NWD1: variants seen among roughly 807,000 people sequenced by gnomAD.
The protein encoded by NWD1 is NACHT and WD repeat domain containing 1, also known as NACHT domain- and WD repeat-containing protein 1.
NWD1 carries 129 observed loss-of-function variants against 135.1 expected under a neutral mutation model. The ratio of observed to expected loss-of-function variants is 0.96; its 90% CI spans 0.83 to 1.11. The LOEUF (loss-of-function observed/expected upper bound fraction) is 1.11, where lower values mean the gene tolerates loss of function less well. Among genes scored for constraint, NWD1 ranks in the 50% least tolerant of loss-of-function variants. The pLI is 0.00. For synonymous variants in NWD1, 773 were observed against 786.0 expected, an observed-to-expected ratio of 0.98 and a Z score of 0.28; for missense variants, 1,740 against 1,851.3, an observed-to-expected ratio of 0.94 and a Z score of 1.10.
Position 16,744,600 on chromosome 19 carries a change from T to TG in NWD1, c.382dup (p.Glu128GlyfsTer4), listed in dbSNP as rs535227776. ...CCTACGTCCTGCAGGCACCAGGTACTGGGGAGGCCTGTGAACCAGAGGAGG... is the reference window on the plus strand; with the variant it reads ...CCTACGTCCTGCAGGCACCAGGTACTGGGGGAGGCCTGTGAACCAGAGGAGG... On this transcript the variant is annotated frameshift_variant, in exon 5 of 19. Transcript: ENST00000524140. LOFTEE classifies it high-confidence loss of function. 1,284 of 1,535,160 alleles carry TG rather than the reference T, an allele frequency of 8.4e-4. 15 individuals carry two copies. The highest frequency in any genetic ancestry group is 7.4e-3 in the South Asian group (625 of 83,994).
At chr19:16,779,303 A>G in intron 11 of NWD1, 40 bp from the exon 12 acceptor site, 1 of 1,612,612 alleles carries the variant, frequency 6.2e-7, no homozygotes, top group East Asian at 2.2e-5. Context: ...ACTTGGACAC[A>G]GGAACTGAGA....
intron 2 of NWD1, among the ~76,000 whole-genome samples, chr19:16,728,667 G>T (rs541652163): frequency 6.6e-6 from 1 of 151,822 alleles, no homozygotes; most frequent in Non-Finnish European, 1.5e-5. Flanking sequence ...ATTGCAGGCC[G>T]GGTGCAGTGG....
At chr19:16,779,254 G>A (rs1969768877) in intron 11 of NWD1, 89 bp from the exon 12 acceptor site, 4 of 1,468,346 alleles carry the variant, frequency 2.7e-6, no homozygotes, top group Non-Finnish European at 3.8e-6. Context: ...TGTCTTATCT[G>A]TGAAGTGGGG....
chr19:16,741,366 G>GTGT (rs541467752), intron 4 of NWD1, among the ~76,000 whole-genome samples: 6,486 of 135,332 alleles, frequency 0.048, 187 homozygotes, highest in Middle Eastern at 0.098. Context: ...TTTTGTTTTT[G>GTGT]TGTTTTTTTT....
intron 2 of NWD1, among the ~76,000 whole-genome samples, chr19:16,725,115 G>A (rs1326602443): frequency 1.3e-5 from 2 of 151,670 alleles, no homozygotes; most frequent in Non-Finnish European, 2.9e-5. Context: ...CCAGGTTCAC[G>A]CAATTCCCAT....
chr19:16,811,492 G>C (rs1216741381), intron 18 of NWD1, among the ~76,000 whole-genome samples: 4 of 150,996 alleles, frequency 2.6e-5, no homozygotes, highest in African/African-American at 9.8e-5. Context: ...GTTGAGGCAA[G>C]AGAATCGCTT....
intron 13 of NWD1, among the ~76,000 whole-genome samples, chr19:16,790,640 A>T (rs111744279): frequency 4.6e-5 from 1 of 21,628 alleles, no homozygotes; most frequent in African/African-American, 2.8e-4. Context: ...ATTAAAAAAA[A>T]ATAAATAAAT....
intron 6 of NWD1, among the ~76,000 whole-genome samples, chr19:16,753,829 TCATCCATC>T (rs79060014): frequency 1.3e-3 from 173 of 135,026 alleles, no homozygotes; most frequent in Non-Finnish European, 1.8e-3. Flanking sequence ...ATCATCTCTA[TCATCCATC>T]CATCCATCCA....
At chr19:16,772,543 G>A (rs1357832015) in intron 10 of NWD1, among the ~76,000 whole-genome samples, 1 of 152,150 alleles carries the variant, frequency 6.6e-6, no homozygotes, top group Non-Finnish European at 1.5e-5. Context: ...CTATTAGGGA[G>A]GCTGAGGCAG....
chr19:16,787,720 C>G (rs1377569027), intron 12 of NWD1, among the ~76,000 whole-genome samples: 1 of 150,718 alleles, frequency 6.6e-6, no homozygotes, highest in African/African-American at 2.4e-5. Flanking sequence ...ATTAGCCAGG[C>G]GCGGTGGCAC....
chr19:16,795,232 C>T (rs906933308), intron 15 of NWD1, among the ~76,000 whole-genome samples: 2 of 152,166 alleles, frequency 1.3e-5, no homozygotes, highest in Non-Finnish European at 1.5e-5. Flanking sequence ...AGCACTCAGC[C>T]CCTAGCAGGA....
At chr19:16,799,600 G>A (rs1348954480) in intron 16 of NWD1, among the ~76,000 whole-genome samples, 4 of 151,532 alleles carry the variant, frequency 2.6e-5, no homozygotes, top group South Asian at 2.1e-4. Flanking sequence ...TCCACCTCCC[G>A]GGTTCAAGCG....
At position 16,817,070 on chromosome 19, in the gene NWD1, G is replaced by A. The variant is rs1971085818; in HGVS notation, c.*2031G>A. ...GGTCCCAGCTCTTTGGAAGGCCGAG[G>A]CAGGTGGATCACCTGAGGTCAGGAG... On this transcript the variant is annotated 3_prime_UTR_variant, in exon 19 of 19. Coordinates refer to ENST00000524140, the MANE Select transcript of NWD1 (RefSeq NM_001007525.5). 6.6e-6 allele frequency: 1 copy of A among 152,130 alleles called. No homozygotes were observed. The highest frequency in any genetic ancestry group is 6.6e-5 in the Admixed American group (1 of 15,248). 9.4% of individuals were successfully genotyped at this position (152,130 alleles called of 1,614,324 possible).
At chr19:16,725,369 T>G (rs1055671993) in intron 2 of NWD1, among the ~76,000 whole-genome samples, 2 of 149,988 alleles carry the variant, frequency 1.3e-5, no homozygotes, top group African/African-American at 4.9e-5. Flanking sequence ...TCCCAGCTAC[T>G]TGGGAGGCTG....
At chr19:16,729,546 C>A (rs1967469696) in intron 2 of NWD1, among the ~76,000 whole-genome samples, 1 of 149,538 alleles carries the variant, frequency 6.7e-6, no homozygotes, top group African/African-American at 2.5e-5. Flanking sequence ...CCAGCCTGAG[C>A]AACATGGCGA....
chr19:16,740,081 G>C (rs934008201), intron 4 of NWD1, among the ~76,000 whole-genome samples: 1 of 151,608 alleles, frequency 6.6e-6, no homozygotes, highest in Non-Finnish European at 1.5e-5. Flanking sequence ...AGGATCGTGT[G>C]ATCCCAGGAG....
At chr19:16,765,533 T>G (rs544281046) in intron 10 of NWD1, among the ~76,000 whole-genome samples, 48 of 152,196 alleles carry the variant, frequency 3.2e-4, no homozygotes, top group Non-Finnish European at 5.0e-4. Context: ...AGGGTCTCAC[T>G]GTGTTGCCCA....
chr19:16,803,057 A>T (rs1970649548), intron 17 of NWD1, among the ~76,000 whole-genome samples: 1 of 152,170 alleles, frequency 6.6e-6, no homozygotes, highest in Non-Finnish European at 1.5e-5. Context: ...TCATGGCAGA[A>T]GGCAAATGAG....
intron 7 of NWD1, among the ~76,000 whole-genome samples, chr19:16,761,624 A>G (rs186264096): frequency 6.6e-6 from 1 of 151,956 alleles, no homozygotes; most frequent in African/African-American, 2.4e-5. Context: ...CAGCCTCCCA[A>G]AGTGCTGGGA....
Sources: gnomAD v4.1 joint callset for allele counts (sites outside exome capture counted in the v4.1 genomes callset) on GRCh38, gnomAD v4.1.1 for gene constraint, MANE v1.5 for transcripts, NCBI Gene and HGNC (gene_info 2026-07-23, HGNC 2026-07-21) for gene names.